The following PBRM1 variants were observed in gnomAD, a reference collection of about 807,000 sequenced individuals.
The protein encoded by PBRM1 is polybromo 1.
A neutral mutation model predicts 194.5 loss-of-function variants in PBRM1; 27 were observed. That is an observed-to-expected ratio of 0.14 (90% CI 0.10 to 0.19). PBRM1 has a LOEUF of 0.19. PBRM1 is among the 10% of genes least tolerant of loss of function. The pLI is 1.00. For synonymous variants in PBRM1, 655 were observed against 693.2 expected, an observed-to-expected ratio of 0.94 and a Z score of 0.87; for missense variants, 1,466 against 2,077.2, an observed-to-expected ratio of 0.71 and a Z score of 5.72.
chr3:52,581,162 TG>T (rs1178035020), intron 20 of PBRM1, among the ~76,000 whole-genome samples: 1 of 152,260 alleles, frequency 6.6e-6, no homozygotes, highest in African/African-American at 2.4e-5. Context: ...TTTAACATTC[TG>T]ATCTTTATGA....
intron 10 of PBRM1, among the ~76,000 whole-genome samples, chr3:52,641,383 G>A (rs1165934802): frequency 3.6e-5 from 5 of 139,636 alleles, no homozygotes; most frequent in South Asian, 2.2e-4. Context: ...GCAGGCGGAC[G>A]TTGCAGTGAG....
chr3:52,626,544 G>A (rs1325020452), intron 13 of PBRM1, among the ~76,000 whole-genome samples: 1 of 152,116 alleles, frequency 6.6e-6, no homozygotes, highest in Non-Finnish European at 1.5e-5. Flanking sequence ...TGCAAAGATG[G>A]TGAGGCAGTC....
chr3:52,669,282 TG>T (rs1297721899), intron 2 of PBRM1, among the ~76,000 whole-genome samples: 1 of 151,948 alleles, frequency 6.6e-6, no homozygotes, highest in Non-Finnish European at 1.5e-5. Flanking sequence ...TTTGGCTTAG[TG>T]GTTATACCTT....
At position 52,634,835 on chromosome 3, in the gene PBRM1, A is replaced by G; in HGVS notation, c.1088-20T>C. 1 of 1,555,540 alleles carries G rather than the reference A, an allele frequency of 6.4e-7. No homozygotes were observed. The highest frequency in any genetic ancestry group is 2.2e-5 in the East Asian group (1 of 44,528). On this transcript the variant is annotated intron_variant, in intron 10 of 29. Transcript: ENST00000296302. ...GTGCAGCTGGAAAGACAAAAAAAGT[A>G]TTTATAAAGGGACGAATGAGATGAA... is the stretch of plus-strand genomic sequence containing the variant.
At chr3:52,586,566 T>C in exon 20 of PBRM1, 1 of 1,614,060 alleles carries the variant, frequency 6.2e-7, no homozygotes, top group Non-Finnish European at 8.5e-7. Context: ...CAAACCTGAC[T>C]GAGCTGATGG....
chr3:52,581,679 C>A (rs1381002509), intron 20 of PBRM1, among the ~76,000 whole-genome samples: 2 of 151,290 alleles, frequency 1.3e-5, no homozygotes, highest in Non-Finnish European at 2.9e-5. Context: ...CCCTCTGTCT[C>A]CAGGCTGGAG....
At chr3:52,668,465 A>G (rs1463365080) in intron 3 of PBRM1, 33 bp downstream of exon 4, 7 of 1,492,768 alleles carry the variant, frequency 4.7e-6, no homozygotes, top group South Asian at 1.3e-5. Flanking sequence ...GTATCTTCCA[A>G]TTGGTATCTT....
intron 21 of PBRM1, among the ~76,000 whole-genome samples, chr3:52,578,276 A>T (rs1475000495): frequency 6.6e-6 from 1 of 152,134 alleles, no homozygotes; most frequent in Non-Finnish European, 1.5e-5. Context: ...CTTATTCAAG[A>T]TGTTGTTTGT....
intron 5 of PBRM1, among the ~76,000 whole-genome samples, chr3:52,655,934 T>C (rs2096599527): frequency 6.6e-6 from 1 of 152,192 alleles, no homozygotes; most frequent in South Asian, 2.1e-4. Flanking sequence ...GGGTTCCAGT[T>C]ATAGACAGTA....
chr3:52,674,496 A>AAAAAAAG (rs1553891667), intron 2 of PBRM1, among the ~76,000 whole-genome samples: 2 of 138,222 alleles, frequency 1.4e-5, no homozygotes, highest in South Asian at 2.2e-4. Context: ...AAAAAAAAAA[A>AAAAAAAG]AGAGAGAGAG....
chr3:52,622,325 G>A (rs868768509), intron 13 of PBRM1, among the ~76,000 whole-genome samples: 2 of 150,730 alleles, frequency 1.3e-5, no homozygotes, highest in Admixed American at 6.7e-5. Context: ...GAGACAGGGA[G>A]AGACTCCATC....
At chr3:52,640,658 C>G (rs932311949) in intron 10 of PBRM1, among the ~76,000 whole-genome samples, 13 of 145,038 alleles carry the variant, frequency 9.0e-5, no homozygotes, top group Non-Finnish European at 1.4e-4. Flanking sequence ...TTTCTTCCCC[C>G]CAAGACAGAG....
intron 24 of PBRM1, among the ~76,000 whole-genome samples, chr3:52,562,887 T>C (rs955888290): frequency 1.3e-5 from 2 of 151,888 alleles, no homozygotes; most frequent in Non-Finnish European, 2.9e-5. Context: ...AACAATCACC[T>C]CAACCAAAAG....
At chr3:52,660,275 A>G (rs1340603304) in intron 4 of PBRM1, among the ~76,000 whole-genome samples, 2 of 152,196 alleles carry the variant, frequency 1.3e-5, no homozygotes, top group African/African-American at 4.8e-5. Flanking sequence ...TGTTCTACCG[A>G]AGAAAGCATG....
intron 5 of PBRM1, among the ~76,000 whole-genome samples, chr3:52,656,417 A>T (rs1577753355): frequency 6.6e-6 from 1 of 152,094 alleles, no homozygotes; most frequent in Non-Finnish European, 1.5e-5. Flanking sequence ...TAATCCCAGC[A>T]CTCTGGGAGG....
chr3:52,547,868 T>TAAAG (rs1475829846), downstream of PBRM1: 5 of 482,582 alleles, frequency 1.0e-5, no homozygotes, highest in Non-Finnish European at 1.8e-5. Flanking sequence ...GTGTATTTGA[T>TAAAG]AAAGTCAACT....
chr3:52,549,023 GT>G (rs530711822), intron 29 of PBRM1, among the ~76,000 whole-genome samples: 612 of 138,326 alleles, frequency 4.4e-3, no homozygotes, highest in Non-Finnish European at 6.5e-3. Context: ...AGGTAAAATA[GT>G]TTTTTTTTTT....
exon 12 of PBRM1, chr3:52,628,948 A>G (rs2095531793): frequency 1.2e-6 from 2 of 1,613,560 alleles, no homozygotes. Flanking sequence ...AATTGGGCAC[A>G]TTATAGCGTT....
intron 17 of PBRM1, among the ~76,000 whole-genome samples, chr3:52,589,602 T>C (rs975527853): frequency 2.0e-5 from 3 of 152,242 alleles, no homozygotes; most frequent in Admixed American, 1.3e-4. Context: ...CAAGTAATTC[T>C]AGAGATAATC....
Sources: allele counts gnomAD v4.1 joint callset (sites outside exome capture counted in the v4.1 genomes callset), GRCh38; gene constraint gnomAD v4.1.1; transcripts MANE v1.5; gene names NCBI Gene and HGNC (gene_info 2026-07-23, HGNC 2026-07-21).